KCNK9: variants seen among roughly 807,000 people sequenced by gnomAD.
KCNK9 encodes potassium two pore domain channel subfamily K member 9, also known as potassium channel subfamily K member 9.
In KCNK9, 1 loss-of-function variant was observed where a neutral mutation model predicts 10.8. That is an observed-to-expected ratio of 0.09 (90% CI 0.03 to 0.44). The LOEUF (loss-of-function observed/expected upper bound fraction) is 0.44, where lower values mean the gene tolerates loss of function less well. Ranked by LOEUF, KCNK9 falls within the 20% of genes least tolerant of loss-of-function variation. The pLI, the probability that KCNK9 is intolerant of heterozygous loss-of-function variation, is 0.97. For missense variants in KCNK9, 303 were observed against 515.0 expected (o/e 0.59, Z 3.98); for synonymous variants, 231 against 222.7 (o/e 1.04, Z -0.33).
At chr8:139,681,969 G>T (rs1398169849) in intron 1 of KCNK9, among the ~76,000 whole-genome samples, 1 of 152,184 alleles carries the variant, frequency 6.6e-6, no homozygotes, top group African/African-American at 2.4e-5. Flanking sequence ...GGAAGCTTCC[G>T]GTGGCACCAC....
chr8:139,633,851 C>G (rs1015343495), intron 1 of KCNK9, among the ~76,000 whole-genome samples: 2 of 152,272 alleles, frequency 1.3e-5, no homozygotes, highest in African/African-American at 4.8e-5. Flanking sequence ...ACACACAAAG[C>G]AAGGGGAATG....
At chr8:139,609,324 A>T (rs569686604), downstream of KCNK9, among the ~76,000 whole-genome samples, 50 of 141,470 alleles carry the variant, frequency 3.5e-4, no homozygotes, top group Non-Finnish European at 5.7e-4. Context: ...GTGCTACACT[A>T]TATGCAAGTC....
chr8:139,702,702 G>T lies in KCNK9; in HGVS notation c.283+8C>A. 1 of 1,604,398 alleles carries T rather than the reference G, an allele frequency of 6.2e-7. No homozygotes were observed. Reference sequence around the variant, plus strand: ...GCGCGGGAGCCCAGCGGCGCGCCCAGCCCTTACCTATGGTGGTGATGACCG... The same window carrying T: ...GCGCGGGAGCCCAGCGGCGCGCCCATCCCTTACCTATGGTGGTGATGACCG... On this transcript the variant is annotated splice_region_variant and intron_variant, in intron 1 of 1. Transcript: ENST00000520439. This position sits in a 1 kb window ranked among gnomAD's most constrained non-coding sequence, Gnocchi z 7.5.
At chr8:139,649,781 T>C (rs1370699057) in intron 1 of KCNK9, among the ~76,000 whole-genome samples, 2 of 152,186 alleles carry the variant, frequency 1.3e-5, no homozygotes, top group Non-Finnish European at 2.9e-5. Flanking sequence ...GCCTCAATCA[T>C]TCATTTGAGG....
chr8:139,650,890 G>A (rs1039105875), intron 1 of KCNK9, among the ~76,000 whole-genome samples: 3 of 152,172 alleles, frequency 2.0e-5, no homozygotes, highest in Non-Finnish European at 2.9e-5. Flanking sequence ...TGACACCCCC[G>A]GAAGTGATGT....
intron 1 of KCNK9, among the ~76,000 whole-genome samples, chr8:139,672,709 G>A (rs1040695288): frequency 6.6e-6 from 1 of 152,228 alleles, no homozygotes; most frequent in East Asian, 1.9e-4. Context: ...CAGGCTTGGG[G>A]CCAAGAACTG....
At chr8:139,603,982 G>T (rs193174683) in intron 2 of KCNK9, among the ~76,000 whole-genome samples, 1 of 152,190 alleles carries the variant, frequency 6.6e-6, no homozygotes, top group South Asian at 2.1e-4. Context: ...TGAGTTGGAC[G>T]GTCCCACAGC....
intron 1 of KCNK9, among the ~76,000 whole-genome samples, chr8:139,631,755 A>C (rs1055130406): frequency 4.6e-5 from 7 of 152,156 alleles, no homozygotes; most frequent in African/African-American, 1.4e-4. Context: ...TGACTTTTGA[A>C]AAGTCTATGG....
At position 139,694,754 on chromosome 8, in the gene KCNK9, C is replaced by T. The variant is rs913686748; in HGVS notation, c.283+7956G>A. Among the ~76,000 whole-genome samples the T allele has an allele frequency of 3.9e-5, 6 of 152,152 alleles. 1 individual carries two copies. In the South Asian group the frequency reaches 1.0e-3, roughly 26 times the overall value. On this transcript the variant is annotated intron_variant, in intron 1 of 1. Coordinates refer to ENST00000520439, the MANE Select transcript of KCNK9 (RefSeq NM_001282534.2). ...CCAGCCCCCTCCCTCCACCCCATTG[C>T]CACCTACTGGTTCCTCCCAGGGCTC...
At chr8:139,621,457 C>T (rs532051520) in intron 1 of KCNK9, among the ~76,000 whole-genome samples, 2 of 152,192 alleles carry the variant, frequency 1.3e-5, no homozygotes, top group Non-Finnish European at 2.9e-5. Context: ...TAATATACCA[C>T]ATACAGGGGA....
intron 1 of KCNK9, among the ~76,000 whole-genome samples, chr8:139,669,018 A>G (rs1159253017): frequency 6.6e-6 from 1 of 152,200 alleles, no homozygotes; most frequent in African/African-American, 2.4e-5. Flanking sequence ...AGTGCATCCA[A>G]AAGTTCTATT....
chr8:139,624,543 C>G (rs1490976169), intron 1 of KCNK9, among the ~76,000 whole-genome samples: 1 of 152,188 alleles, frequency 6.6e-6, no homozygotes, highest in African/African-American at 2.4e-5. Flanking sequence ...CCCTGGCCTG[C>G]TCAGCTTTGC....
chr8:139,660,447 AAAATAT>A (rs1405095277), intron 1 of KCNK9, among the ~76,000 whole-genome samples: 7 of 128,976 alleles, frequency 5.4e-5, no homozygotes, highest in African/African-American at 2.4e-4. Context: ...CTGCTAAAAA[AAAATAT>A]ATATATATAT....
intron 1 of KCNK9, among the ~76,000 whole-genome samples, chr8:139,699,070 A>C (rs911037112): frequency 3.3e-5 from 5 of 151,730 alleles, no homozygotes; most frequent in African/African-American, 9.7e-5. Flanking sequence ...GGAAAAACCC[A>C]CCTCTCCTTC....
At chr8:139,662,410 G>A (rs1816177997) in intron 1 of KCNK9, among the ~76,000 whole-genome samples, 2 of 152,178 alleles carry the variant, frequency 1.3e-5, no homozygotes, top group South Asian at 4.1e-4. Context: ...GACTGGGTGA[G>A]TTCTTTATGC....
chr8:139,653,926 C>A (rs1465890238), intron 1 of KCNK9, among the ~76,000 whole-genome samples: 2 of 152,184 alleles, frequency 1.3e-5, no homozygotes, highest in African/African-American at 2.4e-5. Context: ...AGCCTCAGAG[C>A]AGAAGGGGCC....
intron 1 of KCNK9, among the ~76,000 whole-genome samples, chr8:139,680,259 G>A (rs1366159293): frequency 6.6e-6 from 1 of 152,248 alleles, no homozygotes; most frequent in Non-Finnish European, 1.5e-5. Flanking sequence ...TCTGGGGGTG[G>A]CAGAGGGGGC....
At chr8:139,657,732 T>C (rs1816056055) in intron 1 of KCNK9, among the ~76,000 whole-genome samples, 1 of 152,198 alleles carries the variant, frequency 6.6e-6, no homozygotes, top group Non-Finnish European at 1.5e-5. Context: ...GCATGGTCAC[T>C]ACTAACAAGG....
At chr8:139,625,629 C>T (rs951596882) in intron 1 of KCNK9, among the ~76,000 whole-genome samples, 1 of 151,884 alleles carries the variant, frequency 6.6e-6, no homozygotes, top group Non-Finnish European at 1.5e-5. Flanking sequence ...TTCATGGCCT[C>T]TTTAATATAC....
Sources: allele counts gnomAD v4.1 joint callset (sites outside exome capture counted in the v4.1 genomes callset), GRCh38; gene constraint gnomAD v4.1.1; non-coding constraint Gnocchi (gnomAD v3.1); transcripts MANE v1.5; gene names NCBI Gene and HGNC (gene_info 2026-07-23, HGNC 2026-07-21).